DCHS2: variants seen among roughly 807,000 people sequenced by gnomAD.
DCHS2 encodes dachsous cadherin-related 2, also known as protocadherin-23.
Under a neutral mutation model 182.4 loss-of-function variants are expected in DCHS2, and 142 were observed. The observed-to-expected ratio is 0.78, with a 90% confidence interval of 0.68 to 0.89. The LOEUF (loss-of-function observed/expected upper bound fraction) is 0.89, where lower values mean the gene tolerates loss of function less well. DCHS2 is among the 40% of genes least tolerant of loss of function. The pLI is 0.00. For missense variants in DCHS2, 4,319 were observed against 4,198.6 expected, an observed-to-expected ratio of 1.03 and a Z score of -0.79; for synonymous variants, 1,740 against 1,663.3, an observed-to-expected ratio of 1.05 and a Z score of -1.12.
At chr4:154,283,261 A>T (rs915490526) in intron 13 of DCHS2, among the ~76,000 whole-genome samples, 2 of 152,158 alleles carry the variant, frequency 1.3e-5, no homozygotes, top group Non-Finnish European at 2.9e-5. Flanking sequence ...AGGCTTTTTA[A>T]AAAAATCACT....
rs369913976 is a variant in DCHS2, at chr4:154,305,104, G to A, written c.5388C>T (p.Thr1796=). Residue 1796 remains threonine (T), a synonymous_variant, in exon 11 of 20, where the codon ACC becomes ACT. Transcript: ENST00000357232. ...ILDREIQEVF[T]LRVLVRDGGF... ...ACTCAAAGAATCCCTTACCTCGAAG[G>A]GTGAAGACTTCTTGAATTTCTCTGT... is the stretch of plus-strand genomic sequence containing the variant. The A allele has an allele frequency of 8.7e-6, 14 of 1,608,772 alleles. No individual in the cohort carries two copies. The African/African-American group carries it at 1.7e-4, about 20-fold the overall frequency.
chr4:154,433,341 G>A (rs1005409105), intron 1 of DCHS2, among the ~76,000 whole-genome samples: 2 of 151,116 alleles, frequency 1.3e-5, no homozygotes, highest in African/African-American at 4.9e-5. Flanking sequence ...CATTCATTTC[G>A]GACTTCTCAT....
intron 1 of DCHS2, among the ~76,000 whole-genome samples, chr4:154,469,525 G>T: frequency 6.6e-6 from 1 of 152,116 alleles, no homozygotes; most frequent in South Asian, 2.1e-4. Context: ...TTCTTAATAT[G>T]TACTTGTAAG....
chr4:154,420,522 C>A (rs1003136310), intron 1 of DCHS2, among the ~76,000 whole-genome samples: 10 of 152,242 alleles, frequency 6.6e-5, no homozygotes, highest in South Asian at 2.1e-4. Context: ...AGATTTGGGG[C>A]AGGACACTAG....
chr4:154,362,047 A>T (rs749618472), intron 3 of DCHS2, among the ~76,000 whole-genome samples: 11 of 152,202 alleles, frequency 7.2e-5, no homozygotes, highest in Non-Finnish European at 1.3e-4. Flanking sequence ...ATCAATTCTC[A>T]ATCTTCTTCT....
At chr4:154,389,907 T>C (rs1561085077) in intron 1 of DCHS2, among the ~76,000 whole-genome samples, 1 of 152,094 alleles carries the variant, frequency 6.6e-6, no homozygotes, top group Non-Finnish European at 1.5e-5. Flanking sequence ...CAATAAGGCC[T>C]TGTCTGCCCT....
chr4:154,391,673 G>T (rs1388588233), intron 1 of DCHS2, among the ~76,000 whole-genome samples: 1 of 152,140 alleles, frequency 6.6e-6, no homozygotes, highest in African/African-American at 2.4e-5. Flanking sequence ...TGTATTGCAA[G>T]AATCCAAAGT....
rs768671157 is a variant in DCHS2 at position 154,366,193 on chromosome 4, G to A, written c.2476+17C>T. 2.5e-6 allele frequency: 4 copies of A among 1,594,156 alleles called. No homozygotes were observed. Among genetic ancestry groups the A allele is most frequent in the Admixed American group, 3.3e-5 (2 of 59,924 alleles). On this transcript the variant is annotated intron_variant, in intron 3 of 19. Transcript: ENST00000357232. Reference sequence around the variant, plus strand: ...ACTTTATAGCCAAAGGATGAAAACTGTTCCAAGATCACATACCTGTGGTGG... The same window carrying A: ...ACTTTATAGCCAAAGGATGAAAACTATTCCAAGATCACATACCTGTGGTGG...
intron 13 of DCHS2, among the ~76,000 whole-genome samples, chr4:154,296,956 G>A (rs968291736): frequency 6.6e-6 from 1 of 152,162 alleles, no homozygotes; most frequent in South Asian, 2.1e-4. Flanking sequence ...ACACTGGTAG[G>A]TGGATTTACA....
chr4:154,260,344 C>T (rs888431471), intron 14 of DCHS2, among the ~76,000 whole-genome samples: 6 of 152,278 alleles, frequency 3.9e-5, no homozygotes, highest in Non-Finnish European at 7.4e-5. Flanking sequence ...TACCCCCTGG[C>T]CATGTCTGGA....
At chr4:154,411,320 G>A (rs891802789) in intron 1 of DCHS2, among the ~76,000 whole-genome samples, 7 of 152,010 alleles carry the variant, frequency 4.6e-5, no homozygotes, top group South Asian at 2.1e-4. Flanking sequence ...AGTCTGGGGC[G>A]GGGCACTGTG....
intron 1 of DCHS2, among the ~76,000 whole-genome samples, chr4:154,404,236 A>C (rs1007772723): frequency 1.1e-4 from 16 of 152,078 alleles, no homozygotes; most frequent in African/African-American, 3.9e-4. Flanking sequence ...AATTCAAAAT[A>C]TTTTCTAATT....
chr4:154,265,637 G>A (rs1389973597), intron 14 of DCHS2, among the ~76,000 whole-genome samples: 1 of 152,024 alleles, frequency 6.6e-6, no homozygotes, highest in Non-Finnish European at 1.5e-5. Context: ...AAAGAAGCCA[G>A]TGATCAATAC....
intron 14 of DCHS2, among the ~76,000 whole-genome samples, chr4:154,263,158 C>T (rs746559208): frequency 8.5e-5 from 13 of 152,218 alleles, no homozygotes; most frequent in South Asian, 2.1e-4. Context: ...ATCAGTCTCA[C>T]ATTTTAAGTG....
chr4:154,320,985 T>C lies in DCHS2; in HGVS notation c.4414A>G (p.Thr1472Ala). The C allele has an allele frequency of 6.2e-7, 1 of 1,614,060 alleles. No individual in the cohort carries two copies. Among genetic ancestry groups the C allele is most frequent in the Non-Finnish European group, 8.5e-7 (1 of 1,179,980 alleles). The change falls in exon 9 of 20, where the codon ACA (threonine) becomes GCA (alanine). Residue 1472 changes from threonine (T) to alanine (A), a missense_variant. Transcript: ENST00000357232. ...ATCACTCTGAAAAGATAATGAGATG[T>C]CGTCTCATAATCAAGTTCCTTAGAA... ...FLSKELDYETTSHYLFRVITT... is the reference protein window; with the variant it reads ...FLSKELDYETASHYLFRVITT...
chr4:154,234,427 T>C lies in DCHS2; in HGVS notation c.*109A>G. ...TTTTAAAAACTCTAACTAAATTACA[T>C]CACTTGCTTTTAGATAAAAATGAGC... On this transcript the variant is annotated 3_prime_UTR_variant, in exon 20 of 20. Coordinates refer to ENST00000357232, the MANE Select transcript of DCHS2 (RefSeq NM_001358235.2). 7.2e-7 allele frequency: 1 copy of C among 1,384,532 alleles called. No homozygotes were observed. 85.8% of individuals were successfully genotyped at this position (1,384,532 alleles called of 1,614,324 possible).
Position 154,298,482 on chromosome 4 carries a change from T to C in DCHS2, c.5832A>G (p.Glu1944=). The C allele has an allele frequency of 1.2e-6, 2 of 1,614,148 alleles. No individual in the cohort carries two copies. Among genetic ancestry groups the C allele is most frequent in the South Asian group, 2.2e-5 (2 of 91,082 alleles). The change falls in exon 13 of 20, where the codon GAA becomes GAG. Residue 1944 remains glutamate, a synonymous_variant. Transcript: ENST00000357232. The stretch of plus-strand genomic sequence containing the variant: ...GAACCACTGTTCCCACTTCAGCATC[T>C]TCTCTCACAGAGGACTGGTAATAAA... ...PTLYYQSSVR[E]DAEVGTVVLV...
At chr4:154,421,420 AG>A (rs1316585627) in intron 1 of DCHS2, among the ~76,000 whole-genome samples, 1 of 148,404 alleles carries the variant, frequency 6.7e-6, no homozygotes, top group African/African-American at 2.4e-5. Flanking sequence ...ATTTGAGAAA[AG>A]TCTCACTCTG....
intron 1 of DCHS2, among the ~76,000 whole-genome samples, chr4:154,458,462 T>C (rs561050793): frequency 6.6e-6 from 1 of 152,322 alleles, no homozygotes; most frequent in East Asian, 1.9e-4. Context: ...CATTATATCA[T>C]ATAAGCACCT....
Sources: allele counts gnomAD v4.1 joint callset (sites outside exome capture counted in the v4.1 genomes callset), GRCh38; gene constraint gnomAD v4.1.1; transcripts MANE v1.5; gene names NCBI Gene and HGNC (gene_info 2026-07-23, HGNC 2026-07-21).